Variants in UNC5D observed in about 807,000 individuals in gnomAD.
UNC5D encodes the protein netrin receptor UNC5D.
In UNC5D, 39 loss-of-function variants were observed where a neutral mutation model predicts 105.4. That is an observed-to-expected ratio of 0.37 (90% CI 0.29 to 0.48). The LOEUF (loss-of-function observed/expected upper bound fraction) is 0.48. UNC5D is among the 20% of genes least tolerant of loss of function. UNC5D has a pLI of 0.98. For missense variants in UNC5D, 991 were observed against 1,202.4 expected (o/e 0.82, Z 2.60); for synonymous variants, 452 against 450.4 (o/e 1.00, Z -0.04).
chr8:35,325,526 G>A (rs1184093166), intron 1 of UNC5D, among the ~76,000 whole-genome samples: 2 of 152,166 alleles, frequency 1.3e-5, no homozygotes, highest in South Asian at 4.1e-4. Context: ...GGCAGTGTGA[G>A]TCAAAGAGGG....
rs569975390 is a variant in UNC5D, at chr8:35,587,319, A to T, written c.467-8235A>T. On this transcript the variant is annotated intron_variant, in intron 3 of 16. Transcript: ENST00000404895. ...ACACACACACAATGTGTGTGTAAAGATGACAATGAATGAAAGTGTTATTTT... is the reference window on the plus strand; with the variant it reads ...ACACACACACAATGTGTGTGTAAAGTTGACAATGAATGAAAGTGTTATTTT... Among the ~76,000 whole-genome samples the T allele has an allele frequency of 1.2e-4, 19 of 152,248 alleles. No individual in the cohort carries two copies. The South Asian group carries it at 3.9e-3, about 32-fold the overall frequency.
intron 8 of UNC5D, among the ~76,000 whole-genome samples, chr8:35,707,922 AC>A (rs1366284456): frequency 1.3e-5 from 2 of 152,104 alleles, no homozygotes; most frequent in African/African-American, 2.4e-5. Context: ...TAAAAATAAG[AC>A]CTTAGAGAAT....
intron 1 of UNC5D, among the ~76,000 whole-genome samples, chr8:35,453,548 T>C (rs1251154468): frequency 2.0e-5 from 3 of 152,174 alleles, no homozygotes; most frequent in Non-Finnish European, 4.4e-5. Context: ...AATCCAATAA[T>C]AGAATAATTT....
intron 15 of UNC5D, among the ~76,000 whole-genome samples, chr8:35,771,965 A>C (rs754649553): frequency 7.2e-5 from 11 of 152,222 alleles, no homozygotes; most frequent in Non-Finnish European, 1.5e-4. Flanking sequence ...TAGATAAGGT[A>C]GCATCCAAGG....
intron 11 of UNC5D, among the ~76,000 whole-genome samples, chr8:35,742,459 A>AT (rs914295257): frequency 2.6e-5 from 4 of 152,148 alleles, no homozygotes; most frequent in African/African-American, 9.7e-5. Context: ...ATATGACTTA[A>AT]TTATGTATCG....
chr8:35,406,481 G>A (rs1192935797), intron 1 of UNC5D, among the ~76,000 whole-genome samples: 2 of 152,078 alleles, frequency 1.3e-5, no homozygotes, highest in Admixed American at 1.3e-4. Context: ...TTCCAAGATG[G>A]TACTTTAATC....
intron 1 of UNC5D, among the ~76,000 whole-genome samples, chr8:35,294,868 G>T (rs1807350348): frequency 6.6e-6 from 1 of 152,080 alleles, no homozygotes; most frequent in Non-Finnish European, 1.5e-5. Flanking sequence ...CACTAGTGGT[G>T]CTTTGAAAGT....
At chr8:35,313,447 C>T (rs887563042) in intron 1 of UNC5D, among the ~76,000 whole-genome samples, 37 of 152,136 alleles carry the variant, frequency 2.4e-4, no homozygotes, top group African/African-American at 8.2e-4. Context: ...GAGAAAATGA[C>T]TATAATTTTC....
chr8:35,625,929 T>TTGC (rs753362906), intron 4 of UNC5D, among the ~76,000 whole-genome samples: 1 of 152,214 alleles, frequency 6.6e-6, no homozygotes, highest in Non-Finnish European at 1.5e-5. Flanking sequence ...GCAAACATTG[T>TTGC]TGCTGCTGCT....
intron 3 of UNC5D, among the ~76,000 whole-genome samples, chr8:35,575,877 G>A (rs576586349): frequency 7.3e-5 from 11 of 151,584 alleles, no homozygotes; most frequent in African/African-American, 1.2e-4. Context: ...CATCTAGCCC[G>A]GTAAAAAAAA....
chr8:35,365,946 G>A (rs1802097385), intron 1 of UNC5D, among the ~76,000 whole-genome samples: 1 of 152,022 alleles, frequency 6.6e-6, no homozygotes, highest in South Asian at 2.1e-4. Context: ...TTTGTGGGGA[G>A]GAAATAAACA....
chr8:35,718,047 T>C (rs1305058457), intron 8 of UNC5D, among the ~76,000 whole-genome samples: 1 of 152,066 alleles, frequency 6.6e-6, no homozygotes, highest in Non-Finnish European at 1.5e-5. Context: ...TAATTTGGAA[T>C]ACAAGAGATT....
chr8:35,572,977 A>G (rs2589337), intron 3 of UNC5D, among the ~76,000 whole-genome samples: 72,642 of 151,578 alleles, frequency 0.48, 21,045 homozygotes, highest in African/African-American at 0.83. Flanking sequence ...CTAATTTTTT[A>G]TATTTTTAGT....
chr8:35,471,290 T>G (rs1809705539), intron 1 of UNC5D, among the ~76,000 whole-genome samples: 1 of 152,162 alleles, frequency 6.6e-6, no homozygotes, highest in African/African-American at 2.4e-5. Context: ...ATATCACTAT[T>G]GACTTACTTA....
At chr8:35,549,182 C>T (rs1161994093) in intron 1 of UNC5D, 110 bp from the exon 2 acceptor site, 13 of 1,012,760 alleles carry the variant, frequency 1.3e-5, no homozygotes, top group South Asian at 8.1e-5. Context: ...ATTAATAAAG[C>T]GAATATTTCT....
chr8:35,731,103 G>A lies in UNC5D; in HGVS notation c.1766+7G>A, dbSNP rs781432842. ...TCAACCAAGGTGAACCCAGGTGAGA[G>A]ACAGAGAATAGCATATTAAAGAAAG... On this transcript the variant is annotated splice_region_variant and intron_variant, in intron 11 of 16. Coordinates refer to ENST00000404895, the MANE Select transcript of UNC5D (RefSeq NM_080872.4). 6.2e-7 allele frequency: 1 copy of A among 1,613,414 alleles called. No homozygotes were observed.
chr8:35,434,543 T>A (rs1806876565), intron 1 of UNC5D, among the ~76,000 whole-genome samples: 1 of 152,152 alleles, frequency 6.6e-6, no homozygotes, highest in Non-Finnish European at 1.5e-5. Context: ...AAGAAATTAT[T>A]CCCCAGAATA....
At chr8:35,760,423 A>G (rs950935104) in intron 14 of UNC5D, among the ~76,000 whole-genome samples, 1 of 135,172 alleles carries the variant, frequency 7.4e-6, no homozygotes. Context: ...TTAGAGATTT[A>G]AAAAAAAAAA....
chr8:35,512,020 T>C (rs1484583001), intron 1 of UNC5D, among the ~76,000 whole-genome samples: 1 of 152,112 alleles, frequency 6.6e-6, no homozygotes, highest in African/African-American at 2.4e-5. Flanking sequence ...ATTCAAAAAT[T>C]GAAATGATGT....
Sources: gnomAD v4.1 joint callset for allele counts (sites outside exome capture counted in the v4.1 genomes callset) on GRCh38, gnomAD v4.1.1 for gene constraint, MANE v1.5 for transcripts, NCBI Gene and HGNC (gene_info 2026-07-23, HGNC 2026-07-21) for gene names.